Variants in PTPRG observed in about 807,000 individuals in gnomAD.
PTPRG encodes the protein protein tyrosine phosphatase receptor type G.
Under a neutral mutation model 165.3 loss-of-function variants are expected in PTPRG, and 102 were observed. The observed-to-expected ratio is 0.62, with a 90% confidence interval of 0.53 to 0.73. PTPRG has a LOEUF of 0.73. Ranked by LOEUF, PTPRG falls within the 30% of genes least tolerant of loss-of-function variation. PTPRG has a pLI of 0.00. For synonymous variants in PTPRG, 675 were observed against 669.5 expected, an observed-to-expected ratio of 1.01 and a Z score of -0.13; for missense variants, 1,866 against 1,861.4, an observed-to-expected ratio of 1.00 and a Z score of -0.05.
chr3:61,726,193 C>A (rs2032247488), intron 1 of PTPRG, among the ~76,000 whole-genome samples: 1 of 152,196 alleles, frequency 6.6e-6, no homozygotes, highest in Admixed American at 6.5e-5. Flanking sequence ...CTTCAGACTT[C>A]AGTCAAGTTT....
chr3:62,137,763 C>T (rs1230007176), intron 6 of PTPRG, among the ~76,000 whole-genome samples: 2 of 152,110 alleles, frequency 1.3e-5, no homozygotes, highest in African/African-American at 4.8e-5. Context: ...CACTCTTCGT[C>T]GCATGTCACA....
chr3:61,909,148 G>A (rs968096622), intron 2 of PTPRG, among the ~76,000 whole-genome samples: 19 of 152,114 alleles, frequency 1.2e-4, no homozygotes, highest in African/African-American at 3.9e-4. Flanking sequence ...TGGAGCCCAC[G>A]TGCTCAGTGG....
chr3:61,732,700 C>T (rs1340513923), intron 1 of PTPRG, among the ~76,000 whole-genome samples: 2 of 148,566 alleles, frequency 1.3e-5, no homozygotes, highest in Non-Finnish European at 3.0e-5. Context: ...CAGAGCGAGA[C>T]TCCGTCTCAA....
At chr3:62,287,375 T>C (rs1444252512) in intron 28 of PTPRG, among the ~76,000 whole-genome samples, 1 of 151,896 alleles carries the variant, frequency 6.6e-6, no homozygotes, top group African/African-American at 2.4e-5. Context: ...TAAATCAGAG[T>C]TAATAGAGCT....
chr3:62,290,010 G>A (rs1432043292), intron 28 of PTPRG, among the ~76,000 whole-genome samples: 1 of 151,918 alleles, frequency 6.6e-6, no homozygotes, highest in Non-Finnish European at 1.5e-5. Flanking sequence ...CTTAAGCAGG[G>A]TTCTTCTGTT....
At chr3:61,813,347 TAG>T (rs2035648835) in intron 2 of PTPRG, among the ~76,000 whole-genome samples, 1 of 112,930 alleles carries the variant, frequency 8.9e-6, no homozygotes. Flanking sequence ...AAAAAAAAAA[TAG>T]AAAAAAAATA....
chr3:62,142,970 C>T lies in PTPRG; in HGVS notation c.682+10302C>T, dbSNP rs111504184. On this transcript the variant is annotated intron_variant, in intron 6 of 29. Transcript: ENST00000474889. ...GCAAGCAAAGCAGTCAGAGGCGGGG[C>T]GACTTGCCCCAGCGTCACATCATGA... Among the ~76,000 whole-genome samples, 392 of 152,230 alleles carry T rather than the reference C, an allele frequency of 2.6e-3. 1 individual carries two copies. The highest frequency in any genetic ancestry group is 9.0e-3 in the African/African-American group (372 of 41,538).
intron 6 of PTPRG, among the ~76,000 whole-genome samples, chr3:62,154,665 G>T (rs1704468800): frequency 6.6e-6 from 1 of 152,138 alleles, no homozygotes; most frequent in African/African-American, 2.4e-5. Context: ...GCTGCCAGGG[G>T]TTTGCCGGGG....
chr3:61,778,435 T>C (rs1444382646), intron 2 of PTPRG, among the ~76,000 whole-genome samples: 1 of 152,146 alleles, frequency 6.6e-6, no homozygotes, highest in Admixed American at 6.6e-5. Flanking sequence ...AGAGATACTT[T>C]CAATTTTCCA....
intron 1 of PTPRG, among the ~76,000 whole-genome samples, chr3:61,636,871 A>G (rs1201586520): frequency 1.3e-5 from 2 of 152,252 alleles, no homozygotes; most frequent in Admixed American, 6.5e-5. Context: ...GTAAAATCTC[A>G]TACTGTTGGT....
At chr3:61,829,042 G>A (rs988901495) in intron 2 of PTPRG, among the ~76,000 whole-genome samples, 2 of 152,190 alleles carry the variant, frequency 1.3e-5, no homozygotes, top group African/African-American at 4.8e-5. Context: ...CACGTGGTGT[G>A]TATGTGTGTG....
chr3:62,192,393 CTTTTTTTTTT>C (rs71123255), intron 9 of PTPRG, among the ~76,000 whole-genome samples: 50 of 52,608 alleles, frequency 9.5e-4, no homozygotes, highest in Admixed American at 5.6e-3. Flanking sequence ...CAACTACTGT[CTTTTTTTTTT>C]TTTTTTTTTT....
chr3:61,979,786 G>T (rs1228393825), intron 2 of PTPRG, among the ~76,000 whole-genome samples: 1 of 152,200 alleles, frequency 6.6e-6, no homozygotes, highest in East Asian at 1.9e-4. Context: ...ATATTTTGGA[G>T]CAAACGTTCC....
At chr3:62,182,289 T>C (rs1369976287) in intron 8 of PTPRG, among the ~76,000 whole-genome samples, 1 of 152,226 alleles carries the variant, frequency 6.6e-6, no homozygotes, top group African/African-American at 2.4e-5. Context: ...TGGTAATCAC[T>C]GTAATCTAAC....
intron 2 of PTPRG, among the ~76,000 whole-genome samples, chr3:61,816,277 C>T (rs1489790869): frequency 6.6e-6 from 1 of 152,188 alleles, no homozygotes; most frequent in Non-Finnish European, 1.5e-5. Flanking sequence ...CACCCATAAT[C>T]CCAGCACTTT....
At chr3:62,072,172 C>A (rs890716683) in intron 4 of PTPRG, among the ~76,000 whole-genome samples, 3 of 152,174 alleles carry the variant, frequency 2.0e-5, no homozygotes, top group African/African-American at 7.2e-5. Flanking sequence ...TAGTACCTTA[C>A]AACAGTGGAG....
At chr3:61,620,774 G>A (rs1027055809) in intron 1 of PTPRG, among the ~76,000 whole-genome samples, 19 of 151,930 alleles carry the variant, frequency 1.3e-4, no homozygotes, top group Non-Finnish European at 2.2e-4. Context: ...GATTACAAGT[G>A]TGTGCCACCA....
At chr3:62,136,204 T>C (rs1017376609) in intron 6 of PTPRG, among the ~76,000 whole-genome samples, 1 of 152,176 alleles carries the variant, frequency 6.6e-6, no homozygotes, top group Non-Finnish European at 1.5e-5. Context: ...CTAATCTCAG[T>C]ACACCATGAA....
At chr3:62,262,108 G>A (rs1024191606) in intron 16 of PTPRG, 3 of 152,172 alleles carry the variant, frequency 2.0e-5, no homozygotes, top group Non-Finnish European at 2.9e-5. Flanking sequence ...AATGGATGAC[G>A]TTTAAATCCA....
Sources: gnomAD v4.1 joint callset for allele counts (sites outside exome capture counted in the v4.1 genomes callset) on GRCh38, gnomAD v4.1.1 for gene constraint, MANE v1.5 for transcripts, NCBI Gene and HGNC (gene_info 2026-07-23, HGNC 2026-07-21) for gene names.